Variants in DAAM1 observed in about 807,000 individuals in gnomAD.
DAAM1 encodes disheveled-associated activator of morphogenesis 1.
In DAAM1, 52 loss-of-function variants were observed where a neutral mutation model predicts 130.0. The observed-to-expected ratio is 0.40, with a 90% CI of 0.32 to 0.50. The LOEUF is 0.50. DAAM1 is among the 20% of genes least tolerant of loss of function. The pLI is 0.61. For missense variants in DAAM1, 1,134 were observed against 1,303.8 expected (o/e 0.87, Z 2.01); for synonymous variants, 452 against 444.5 (o/e 1.02, Z -0.21).
chr14:59,360,905 C>T (rs753520427), intron 22 of DAAM1, 43 bp downstream of exon 22: 1 of 1,584,682 alleles, frequency 6.3e-7, no homozygotes, highest in South Asian at 1.1e-5. Flanking sequence ...GGTCTCTTCA[C>T]TATCTCTAGT....
chr14:59,192,146 A>C (rs1338431260), intron 1 of DAAM1, among the ~76,000 whole-genome samples: 1 of 97,440 alleles, frequency 1.0e-5, no homozygotes, highest in Non-Finnish European at 2.0e-5. Flanking sequence ...CTGCTTGTTA[A>C]GGGGTGTGTG....
intron 23 of DAAM1, among the ~76,000 whole-genome samples, chr14:59,364,061 A>G (rs968952963): frequency 6.6e-6 from 1 of 152,224 alleles, no homozygotes; most frequent in African/African-American, 2.4e-5. Flanking sequence ...TGAATGGTAT[A>G]AGACCAGCAA....
At chr14:59,203,906 A>T (rs1888186191) in intron 1 of DAAM1, among the ~76,000 whole-genome samples, 1 of 152,240 alleles carries the variant, frequency 6.6e-6, no homozygotes, top group South Asian at 2.1e-4. Flanking sequence ...GTGTTGGATA[A>T]GAAATGTTTT....
At chr14:59,240,392 T>C (rs1167118163) in intron 1 of DAAM1, among the ~76,000 whole-genome samples, 2 of 152,182 alleles carry the variant, frequency 1.3e-5, no homozygotes, top group Admixed American at 1.3e-4. Context: ...TTTAGTCAAG[T>C]GGACCATGAA....
chr14:59,269,067 T>C (rs758599758), intron 2 of DAAM1, among the ~76,000 whole-genome samples: 7 of 152,220 alleles, frequency 4.6e-5, no homozygotes, highest in Non-Finnish European at 8.8e-5. Context: ...TGTGTGCATG[T>C]TAAGAGCCTG....
intron 1 of DAAM1, among the ~76,000 whole-genome samples, chr14:59,247,731 C>A (rs1168638523): frequency 2.7e-5 from 4 of 149,804 alleles, no homozygotes; most frequent in African/African-American, 9.8e-5. Context: ...AAAAAAAAAA[C>A]AAGGAATTAC....
At chr14:59,343,194 C>T (rs1247953309) in intron 16 of DAAM1, among the ~76,000 whole-genome samples, 1 of 152,134 alleles carries the variant, frequency 6.6e-6, no homozygotes, top group Non-Finnish European at 1.5e-5. Context: ...GAACTGGTGC[C>T]TTTTGTTCAG....
At chr14:59,216,899 T>C (rs1434851358) in intron 1 of DAAM1, among the ~76,000 whole-genome samples, 1 of 130,932 alleles carries the variant, frequency 7.6e-6, no homozygotes, top group Non-Finnish European at 1.6e-5. Flanking sequence ...AAGTATATAC[T>C]ATGTGTATGT....
At chr14:59,189,811 C>T (rs979514638) in intron 1 of DAAM1, among the ~76,000 whole-genome samples, 1 of 152,288 alleles carries the variant, frequency 6.6e-6, no homozygotes, top group South Asian at 2.1e-4. Context: ...TCATCAAACC[C>T]TGCTAAGGTC....
chr14:59,346,071 A>G (rs927751382), intron 16 of DAAM1, among the ~76,000 whole-genome samples: 1 of 145,172 alleles, frequency 6.9e-6, no homozygotes, highest in Admixed American at 6.8e-5. Flanking sequence ...GAACTTTGCT[A>G]AGCACTTTAC....
chr14:59,231,411 GGTAGGGA>G (rs1332046303), intron 1 of DAAM1, among the ~76,000 whole-genome samples: 66 of 152,286 alleles, frequency 4.3e-4, no homozygotes, highest in African/African-American at 1.4e-3. Flanking sequence ...GTTAAGAAAG[GGTAGGGA>G]GTAGTGGGGA....
chr14:59,278,783 C>A (rs1883084034), intron 2 of DAAM1, among the ~76,000 whole-genome samples: 1 of 152,102 alleles, frequency 6.6e-6, no homozygotes, highest in Non-Finnish European at 1.5e-5. Flanking sequence ...AGGAAGTGAT[C>A]TTTGATTTCA....
rs974577691 is a variant in DAAM1 at position 59,367,155 on chromosome 14, G to A, written c.2827-274G>A. 2.0e-5 allele frequency among the ~76,000 whole-genome samples: 3 copies of A among 152,072 alleles called. No individual in the cohort carries two copies. The South Asian group carries it at 6.2e-4, about 31-fold the overall frequency. On this transcript the variant is annotated intron_variant, in intron 23 of 24. Transcript: ENST00000360909. The stretch of plus-strand genomic sequence containing the variant: ...ATACAAAAATTAGCCAGGCATGGTG[G>A]TTTGTGCCTGTAATCCCAGCTACTT...
At chr14:59,227,547 G>A (rs995085888) in intron 1 of DAAM1, among the ~76,000 whole-genome samples, 1 of 152,186 alleles carries the variant, frequency 6.6e-6, no homozygotes, top group African/African-American at 2.4e-5. Context: ...ATCTTGTGCT[G>A]CATAAAATAT....
At chr14:59,276,880 G>A (rs1445018015) in intron 2 of DAAM1, among the ~76,000 whole-genome samples, 3 of 152,030 alleles carry the variant, frequency 2.0e-5, no homozygotes, top group East Asian at 3.9e-4. Context: ...TCTTTCTCTC[G>A]TTTTTCTTAG....
rs1181306000 is a variant in DAAM1 at position 59,371,335 on chromosome 14, T to G, written c.*2476T>G. ...ATAGTACTGAGAAAAAAAAAGTATG[T>G]GTTATGAGACTGTACATGTTTTTTT... is the stretch of plus-strand genomic sequence containing the variant. On this transcript the variant is annotated 3_prime_UTR_variant, in exon 25 of 25. Transcript: ENST00000360909. 1 of 152,264 alleles carries G rather than the reference T, an allele frequency of 6.6e-6. No individual in the cohort carries two copies. The highest frequency in any genetic ancestry group is 1.5e-5 in the Non-Finnish European group (1 of 67,996). 9.4% of individuals were successfully genotyped at this position (152,264 alleles called of 1,614,324 possible).
At chr14:59,259,717 C>G (rs1358021918) in intron 1 of DAAM1, among the ~76,000 whole-genome samples, 1 of 152,190 alleles carries the variant, frequency 6.6e-6, no homozygotes, top group East Asian at 1.9e-4. Flanking sequence ...TAATGTACAT[C>G]AGCGCTGCTG....
chr14:59,199,395 G>A (rs79942219), intron 1 of DAAM1, among the ~76,000 whole-genome samples: 8,739 of 152,238 alleles, frequency 0.057, 844 homozygotes, highest in African/African-American at 0.2. Flanking sequence ...ACCGTGCAGG[G>A]CTGATCACCA....
rs1289996007 is a variant in DAAM1, at chr14:59,370,925, A to G, written c.*2066A>G. On this transcript the variant is annotated 3_prime_UTR_variant, in exon 25 of 25. Coordinates refer to ENST00000360909, the MANE Select transcript of DAAM1 (RefSeq NM_001270520.2). ...TTGTCTTACAGTTTAAGGAATAGACAGGTGGAGGGAAAGTCACATAAAGGA... is the reference window on the plus strand; with the variant it reads ...TTGTCTTACAGTTTAAGGAATAGACGGGTGGAGGGAAAGTCACATAAAGGA... 20 of 152,172 alleles carry G rather than the reference A, an allele frequency of 1.3e-4. No individual in the cohort carries two copies. The highest frequency in any genetic ancestry group is 1.3e-3 in the Admixed American group (20 of 15,264). 9.4% of individuals were successfully genotyped at this position (152,172 alleles called of 1,614,324 possible).
Sources: allele counts gnomAD v4.1 joint callset (sites outside exome capture counted in the v4.1 genomes callset), GRCh38; gene constraint gnomAD v4.1.1; transcripts MANE v1.5; gene names NCBI Gene and HGNC (gene_info 2026-07-23, HGNC 2026-07-21).